The following DOCK5 variants were observed in gnomAD, a reference collection of about 807,000 sequenced individuals.
DOCK5 encodes dedicator of cytokinesis protein 5.
DOCK5 carries 142 observed loss-of-function variants against 251.8 expected under a neutral mutation model. That is an observed-to-expected ratio of 0.56 (90% confidence interval 0.49 to 0.65). DOCK5 has a LOEUF of 0.65. Ranked by LOEUF, DOCK5 falls within the 30% of genes least tolerant of loss-of-function variation. The pLI is 0.00. For missense variants in DOCK5, 2,111 were observed against 2,312.3 expected (o/e 0.91, Z 1.79); for synonymous variants, 842 against 835.5 (o/e 1.01, Z -0.13).
chr8:25,380,474 AAGTC>A, intron 39 of DOCK5, 80 bp downstream of exon 39: 2 of 1,218,734 alleles, frequency 1.6e-6, no homozygotes, highest in Non-Finnish European at 2.3e-6. Context: ...CGTAAGTTGA[AAGTC>A]AGGATGAATG....
At chr8:25,370,393 TC>T (rs1800852485) in intron 34 of DOCK5, among the ~76,000 whole-genome samples, 1 of 152,252 alleles carries the variant, frequency 6.6e-6, no homozygotes, top group Non-Finnish European at 1.5e-5. Context: ...TTTTTTGATA[TC>T]ATCATGAGAA....
intron 22 of DOCK5, 108 bp downstream of exon 22, chr8:25,336,481 A>C: frequency 7.2e-7 from 1 of 1,387,134 alleles, no homozygotes; most frequent in South Asian, 1.4e-5. Flanking sequence ...TAGTTCTTAG[A>C]ATTGCCTTAT....
intron 28 of DOCK5, among the ~76,000 whole-genome samples, chr8:25,361,985 C>G (rs1385374564): frequency 6.6e-6 from 1 of 152,194 alleles, no homozygotes; most frequent in Non-Finnish European, 1.5e-5. Flanking sequence ...AATAAAAATG[C>G]CTTCAAAACA....
rs1317020049 is a variant in DOCK5, at chr8:25,414,991, A to G, written c.*3693A>G. On this transcript the variant is annotated 3_prime_UTR_variant, in exon 52 of 52. Transcript: ENST00000276440. ...TGCTTTTATTCTGCTTTTTATTTAA[A>G]CAAAAAGAGGGGGAGGATCTGAAGG... The G allele has an allele frequency of 6.9e-6, 1 of 144,630 alleles. No homozygotes were observed. Among genetic ancestry groups the G allele is most frequent in the African/African-American group, 2.6e-5 (1 of 39,140 alleles). The allele number at this position is 144,630 out of a possible 1,614,324, so 9.0% of individuals were successfully genotyped here.
At chr8:25,196,839 T>C (rs965827266) in intron 1 of DOCK5, among the ~76,000 whole-genome samples, 5 of 152,216 alleles carry the variant, frequency 3.3e-5, no homozygotes, top group Non-Finnish European at 7.3e-5. Flanking sequence ...CATCCAGTTC[T>C]TTGGAATGAG....
chr8:25,281,635 C>T (rs1044318436), intron 5 of DOCK5, among the ~76,000 whole-genome samples: 5 of 150,990 alleles, frequency 3.3e-5, no homozygotes, highest in African/African-American at 1.2e-4. Context: ...AATCCCAGCA[C>T]TTTGGGAGGC....
rs192969165 is a variant in DOCK5, at chr8:25,411,365, G to A, written c.*67G>A. Reference sequence around the variant, plus strand: ...GCTGCCTGAGAACTGGCCTCCAGCCGGTGTCCTCATTCCATGGGGCTCCCT... The same window carrying A: ...GCTGCCTGAGAACTGGCCTCCAGCCAGTGTCCTCATTCCATGGGGCTCCCT... On this transcript the variant is annotated 3_prime_UTR_variant, in exon 52 of 52. Transcript: ENST00000276440. The A allele has an allele frequency of 6.5e-4, 882 of 1,364,596 alleles. No homozygotes were observed. Among genetic ancestry groups the A allele is most frequent in the Admixed American group, 8.1e-4 (21 of 25,874 alleles). 84.5% of individuals were successfully genotyped at this position (1,364,596 alleles called of 1,614,324 possible). A position where few individuals can be genotyped will look rare whatever the true frequency, so the allele number is the denominator to read the frequency against.
intron 2 of DOCK5, among the ~76,000 whole-genome samples, chr8:25,264,428 C>G (rs1474962609): frequency 1.3e-5 from 2 of 151,526 alleles, no homozygotes; most frequent in Non-Finnish European, 2.9e-5. Flanking sequence ...TTTTTCATCT[C>G]TCTTCCTCTT....
chr8:25,231,893 T>C (rs1250397241), intron 1 of DOCK5, among the ~76,000 whole-genome samples: 2 of 152,190 alleles, frequency 1.3e-5, no homozygotes, highest in Admixed American at 1.3e-4. Context: ...CCAAATGTCT[T>C]TTCTATATCT....
At chr8:25,255,645 C>T (rs543662188) in intron 2 of DOCK5, among the ~76,000 whole-genome samples, 1 of 152,288 alleles carries the variant, frequency 6.6e-6, no homozygotes, top group African/African-American at 2.4e-5. Flanking sequence ...GAAGGCACAA[C>T]ACCAACAGTG....
intron 22 of DOCK5, among the ~76,000 whole-genome samples, chr8:25,337,419 G>A (rs1805841908): frequency 6.6e-6 from 1 of 151,684 alleles, no homozygotes; most frequent in South Asian, 2.1e-4. Context: ...AGATTTTTAA[G>A]GGAAAGGAAA....
chr8:25,367,097 T>A (rs1275622864), intron 31 of DOCK5, 127 bp downstream of exon 31: 1 of 791,708 alleles, frequency 1.3e-6, no homozygotes. Flanking sequence ...AGGTAAGTCT[T>A]CAACTAATTA....
chr8:25,274,236 G>T (rs1345464400), intron 3 of DOCK5, among the ~76,000 whole-genome samples: 1 of 152,152 alleles, frequency 6.6e-6, no homozygotes, highest in Non-Finnish European at 1.5e-5. Context: ...ATGCCTCCGG[G>T]CACTGGGACA....
intron 10 of DOCK5, among the ~76,000 whole-genome samples, chr8:25,303,123 G>A (rs543135728): frequency 6.6e-6 from 1 of 152,290 alleles, no homozygotes; most frequent in East Asian, 1.9e-4. Context: ...AGGAAAGGAG[G>A]AAGAAAGGTG....
chr8:25,383,876 C>T (rs1801112971), intron 40 of DOCK5, among the ~76,000 whole-genome samples: 1 of 152,036 alleles, frequency 6.6e-6, no homozygotes, highest in Non-Finnish European at 1.5e-5. Context: ...AATAAATAAA[C>T]TATAACCAAG....
intron 28 of DOCK5, among the ~76,000 whole-genome samples, chr8:25,362,581 C>T (rs980868529): frequency 6.6e-6 from 1 of 151,328 alleles, no homozygotes; most frequent in African/African-American, 2.4e-5. Flanking sequence ...ATTCCCCTGC[C>T]TCAGCCTCCC....
At chr8:25,187,313 GTATA>G (rs768061588) in intron 1 of DOCK5, among the ~76,000 whole-genome samples, 1 of 147,114 alleles carries the variant, frequency 6.8e-6, no homozygotes, top group African/African-American at 2.6e-5. Flanking sequence ...GTATATATGC[GTATA>G]TGTGTGTGTG....
Position 25,325,478 on chromosome 8 carries a change from A to G in DOCK5, c.1834A>G (p.Ser612Gly), listed in dbSNP as rs1805541410. ...CAAAAACCTGGTCACCTTCACCCCA[A>G]GCAAGGATAGCACTAAAGACAGCTT... is the stretch of plus-strand genomic sequence containing the variant. ...ASKNLVTFTPSKDSTKDSFQI... is the reference protein window; with the variant it reads ...ASKNLVTFTPGKDSTKDSFQI... Residue 612 changes from serine to glycine, a missense_variant, in exon 18 of 52, where the codon AGC becomes GGC. Coordinates refer to ENST00000276440, the MANE Select transcript of DOCK5 (RefSeq NM_024940.8). The G allele has an allele frequency of 3.1e-6, 5 of 1,613,796 alleles. No individual in the cohort carries two copies. The highest frequency in any genetic ancestry group is 1.7e-5 in the Admixed American group (1 of 59,996).
chr8:25,200,472 G>T (rs929619450), intron 1 of DOCK5, among the ~76,000 whole-genome samples: 1 of 152,188 alleles, frequency 6.6e-6, no homozygotes, highest in Non-Finnish European at 1.5e-5. Context: ...TGTTGACAAA[G>T]GTGAGAGTGG....
Sources: allele counts gnomAD v4.1 joint callset (sites outside exome capture counted in the v4.1 genomes callset), GRCh38; gene constraint gnomAD v4.1.1; transcripts MANE v1.5; gene names NCBI Gene and HGNC (gene_info 2026-07-23, HGNC 2026-07-21).